Variants in MTUS2 observed in about 807,000 individuals in gnomAD.
MTUS2 encodes microtubule-associated tumor suppressor candidate 2.
A neutral mutation model predicts 114.1 loss-of-function variants in MTUS2; 40 were observed. The ratio of observed to expected loss-of-function variants is 0.35; its 90% CI spans 0.27 to 0.46. The LOEUF (loss-of-function observed/expected upper bound fraction) is 0.46, where lower values mean the gene tolerates loss of function less well. Among genes scored for constraint, MTUS2 ranks in the 20% least tolerant of loss-of-function variants. MTUS2 has a pLI of 1.00. For synonymous variants in MTUS2, 688 were observed against 672.0 expected, an observed-to-expected ratio of 1.02 and a Z score of -0.37; for missense variants, 1,679 against 1,705.4, an observed-to-expected ratio of 0.98 and a Z score of 0.27.
At chr13:29,225,145 C>T (rs1446329321) in intron 5 of MTUS2, among the ~76,000 whole-genome samples, 1 of 152,232 alleles carries the variant, frequency 6.6e-6, no homozygotes, top group Non-Finnish European at 1.5e-5. Context: ...TTCCTGCCTC[C>T]TGTAGGAGCC....
chr13:29,132,340 C>CT (rs1005617086), intron 5 of MTUS2, among the ~76,000 whole-genome samples: 5 of 152,130 alleles, frequency 3.3e-5, no homozygotes, highest in Non-Finnish European at 7.4e-5. Context: ...CTTTCTATAG[C>CT]TTTTTTTCCC....
intron 9 of MTUS2, among the ~76,000 whole-genome samples, chr13:29,448,846 C>T (rs150627288): frequency 1.3e-5 from 2 of 151,040 alleles, no homozygotes; most frequent in East Asian, 2.0e-4. Context: ...CTCCGTCTCC[C>T]GAGTTCAAGC....
intron 2 of MTUS2, among the ~76,000 whole-genome samples, chr13:28,994,075 C>T (rs146034739): frequency 0.059 from 8,996 of 152,062 alleles, 307 homozygotes; most frequent in African/African-American, 0.072. Flanking sequence ...CAACAGTCGC[C>T]GGTGTGTGAT....
chr13:29,094,796 C>G (rs937411130), intron 4 of MTUS2, among the ~76,000 whole-genome samples: 1 of 151,904 alleles, frequency 6.6e-6, no homozygotes, highest in African/African-American at 2.4e-5. Flanking sequence ...CATCTATCTT[C>G]TTTTTTAATG....
intron 5 of MTUS2, among the ~76,000 whole-genome samples, chr13:29,247,729 TAATCAAAA>T (rs746173790): frequency 6.6e-6 from 1 of 152,140 alleles, no homozygotes; most frequent in African/African-American, 2.4e-5. Context: ...AGAATGCCCG[TAATCAAAA>T]AATCAAAAAA....
At chr13:29,064,826 T>A (rs573908529) in intron 4 of MTUS2, among the ~76,000 whole-genome samples, 4 of 152,274 alleles carry the variant, frequency 2.6e-5, no homozygotes, top group South Asian at 4.1e-4. Context: ...TCTCTCTTTA[T>A]GTCCATGAGT....
chr13:29,467,413 A>G (rs1455478564), intron 9 of MTUS2, among the ~76,000 whole-genome samples: 1 of 152,202 alleles, frequency 6.6e-6, no homozygotes, highest in African/African-American at 2.4e-5. Context: ...CACTGCAATC[A>G]CAGGGAGCTA....
In MTUS2 at chr13:29,089,482, G is replaced by A. The variant is rs538160755; in HGVS notation, c.2447-11291G>A. Among the ~76,000 whole-genome samples, 5 of 152,238 alleles carry A rather than the reference G, an allele frequency of 3.3e-5. No individual in the cohort carries two copies. The South Asian group carries it at 1.0e-3, about 32-fold the overall frequency. On this transcript the variant is annotated intron_variant, in intron 4 of 15. Transcript: ENST00000612955. ...TTCACAGGGGTCCTCTGAAGTTTTGGATTTATATGTCAACCTCTCTAGCAA... is the reference window on the plus strand; with the variant it reads ...TTCACAGGGGTCCTCTGAAGTTTTGAATTTATATGTCAACCTCTCTAGCAA...
At chr13:29,250,943 G>A (rs1366025320) in intron 5 of MTUS2, among the ~76,000 whole-genome samples, 2 of 152,142 alleles carry the variant, frequency 1.3e-5, no homozygotes, top group African/African-American at 2.4e-5. Flanking sequence ...AAATACCAGA[G>A]CAGCACTGAT....
intron 6 of MTUS2, among the ~76,000 whole-genome samples, chr13:29,284,535 T>C (rs1898400716): frequency 6.6e-6 from 1 of 152,188 alleles, no homozygotes; most frequent in Admixed American, 6.5e-5. Context: ...TACACAATTA[T>C]ACATTAAATG....
chr13:29,140,976 G>A (rs1003931560), intron 5 of MTUS2, among the ~76,000 whole-genome samples: 3 of 152,130 alleles, frequency 2.0e-5, no homozygotes, highest in Non-Finnish European at 4.4e-5. Context: ...TAAAGAAATA[G>A]CCTTAGGGGT....
intron 7 of MTUS2, among the ~76,000 whole-genome samples, chr13:29,327,662 A>G (rs1900584063): frequency 6.6e-6 from 1 of 152,072 alleles, no homozygotes; most frequent in Non-Finnish European, 1.5e-5. Flanking sequence ...CTTGGCTGTA[A>G]TAAGTAAAGC....
chr13:29,452,368 T>G (rs912582696), intron 9 of MTUS2, among the ~76,000 whole-genome samples: 5 of 152,154 alleles, frequency 3.3e-5, no homozygotes, highest in African/African-American at 1.2e-4. Flanking sequence ...TTTAAAATGT[T>G]TACTCTTTTA....
At chr13:29,400,180 A>T (rs1253474955) in intron 8 of MTUS2, among the ~76,000 whole-genome samples, 1 of 152,228 alleles carries the variant, frequency 6.6e-6, no homozygotes, top group Non-Finnish European at 1.5e-5. Context: ...TTACCCACCC[A>T]CACACTCTCC....
At chr13:29,440,830 G>A (rs1324677401) in intron 9 of MTUS2, among the ~76,000 whole-genome samples, 1 of 152,068 alleles carries the variant, frequency 6.6e-6, no homozygotes, top group Non-Finnish European at 1.5e-5. Context: ...TGAAGGGATT[G>A]GAGCAATCCC....
At chr13:29,086,520 C>T (rs1889699672) in intron 4 of MTUS2, among the ~76,000 whole-genome samples, 2 of 152,110 alleles carry the variant, frequency 1.3e-5, no homozygotes, top group Admixed American at 1.3e-4. Context: ...GTTTTGGTTA[C>T]TATATTCTTG....
At chr13:28,911,669 G>T (rs953472927) in intron 2 of MTUS2, among the ~76,000 whole-genome samples, 1 of 151,848 alleles carries the variant, frequency 6.6e-6, no homozygotes, top group Admixed American at 6.6e-5. Flanking sequence ...AGCATCTGTT[G>T]TTTCTTGACT....
intron 8 of MTUS2, among the ~76,000 whole-genome samples, chr13:29,431,787 G>A (rs1007380358): frequency 6.6e-6 from 1 of 152,168 alleles, no homozygotes; most frequent in African/African-American, 2.4e-5. Context: ...TGCATAGGGA[G>A]TGTGGGGAAA....
At chr13:29,170,493 G>A (rs1031760691) in intron 5 of MTUS2, among the ~76,000 whole-genome samples, 4 of 152,284 alleles carry the variant, frequency 2.6e-5, no homozygotes, top group Middle Eastern at 3.4e-3. Flanking sequence ...GAGAGCTGTG[G>A]GGTGAAGGAA....
Sources: allele counts gnomAD v4.1 joint callset (sites outside exome capture counted in the v4.1 genomes callset), GRCh38; gene constraint gnomAD v4.1.1; transcripts MANE v1.5; gene names NCBI Gene and HGNC (gene_info 2026-07-23, HGNC 2026-07-21).